C1QTNF3: variants seen among roughly 807,000 people sequenced by gnomAD.
C1QTNF3 encodes the protein C1q and TNF related 3.
A neutral mutation model predicts 32.6 loss-of-function variants in C1QTNF3; 26 were observed. The ratio of observed to expected loss-of-function variants is 0.80; its 90% CI spans 0.58 to 1.11. The LOEUF is 1.11. Ranked by LOEUF, C1QTNF3 falls within the 50% of genes least tolerant of loss-of-function variation. The probability of loss-of-function intolerance (pLI) is 0.00; values close to 1 mark genes in which losing one functional copy is unlikely to be tolerated. For synonymous variants in C1QTNF3, 155 were observed against 146.0 expected, an observed-to-expected ratio of 1.06 and a Z score of -0.44; for missense variants, 362 against 398.2, an observed-to-expected ratio of 0.91 and a Z score of 0.77.
At chr5:34,233,670 C>A in the C1QTNF3 span, among the ~76,000 whole-genome samples, 10 of 151,320 alleles carry the variant, frequency 6.6e-5, no homozygotes, top group Admixed American at 6.6e-4. Flanking sequence ...ATAAAGTTAA[C>A]ATATTCACAG....
At chr5:34,127,431 T>C in the C1QTNF3 span, among the ~76,000 whole-genome samples, 1 of 152,118 alleles carries the variant, frequency 6.6e-6, no homozygotes, top group African/African-American at 2.4e-5. Flanking sequence ...AAGGTCACTC[T>C]TTCTATGCTT....
chr5:34,044,369 C>A (rs1579614383), upstream of C1QTNF3, among the ~76,000 whole-genome samples: 1 of 152,092 alleles, frequency 6.6e-6, no homozygotes, highest in African/African-American at 2.4e-5. Context: ...ACTGGAGAGA[C>A]CCAGGACCGT....
At chr5:34,225,355 C>A in the C1QTNF3 span, among the ~76,000 whole-genome samples, 1 of 152,028 alleles carries the variant, frequency 6.6e-6, no homozygotes, top group East Asian at 1.9e-4. Flanking sequence ...AATATCTCTA[C>A]ACAATCCTTT....
At chr5:34,219,400 A>T in the C1QTNF3 span, among the ~76,000 whole-genome samples, 32 of 151,988 alleles carry the variant, frequency 2.1e-4, no homozygotes, top group South Asian at 3.9e-3. Flanking sequence ...AATTTTACTT[A>T]GGGAGTAGAA....
the C1QTNF3 span, among the ~76,000 whole-genome samples, chr5:34,196,084 C>G: frequency 2.0e-5 from 3 of 152,294 alleles, no homozygotes; most frequent in Admixed American, 6.5e-5. Context: ...CACAATTTGC[C>G]AACACTTTGA....
the C1QTNF3 span, among the ~76,000 whole-genome samples, chr5:34,056,454 G>GTGTA: frequency 2.1e-3 from 101 of 48,890 alleles, no homozygotes; most frequent in African/African-American, 5.7e-3. Context: ...GTGTGTGTGT[G>GTGTA]TATATATATA....
chr5:34,239,951 G>T, the C1QTNF3 span, among the ~76,000 whole-genome samples: 1 of 151,954 alleles, frequency 6.6e-6, no homozygotes, highest in Non-Finnish European at 1.5e-5. Flanking sequence ...AGATCTCAAT[G>T]TAATCAAAAT....
the C1QTNF3 span, among the ~76,000 whole-genome samples, chr5:34,172,958 T>C: frequency 2.2e-4 from 34 of 152,288 alleles, no homozygotes; most frequent in African/African-American, 8.2e-4. Context: ...TTTACTTCTG[T>C]AGGATAGATT....
chr5:34,070,607 A>G, the C1QTNF3 span, among the ~76,000 whole-genome samples: 1 of 152,148 alleles, frequency 6.6e-6, no homozygotes, highest in Admixed American at 6.5e-5. Context: ...ATATTGTTAA[A>G]TGTACCATTA....
chr5:34,056,446 G>GTATA, the C1QTNF3 span, among the ~76,000 whole-genome samples: 2 of 38,518 alleles, frequency 5.2e-5, no homozygotes, highest in African/African-American at 1.8e-4. Flanking sequence ...GTGTGTGTGT[G>GTATA]TGTGTGTGTA....
chr5:34,103,500 G>A, the C1QTNF3 span, among the ~76,000 whole-genome samples: 8 of 149,146 alleles, frequency 5.4e-5, no homozygotes, highest in East Asian at 1.2e-3. Context: ...GCCTTTCAAC[G>A]ATGTCTTATC....
chr5:34,057,023 G>T, the C1QTNF3 span, among the ~76,000 whole-genome samples: 1 of 152,132 alleles, frequency 6.6e-6, no homozygotes, highest in Non-Finnish European at 1.5e-5. Flanking sequence ...TTTAAAAGTA[G>T]AACACTTATT....
chr5:34,105,999 A>AT, the C1QTNF3 span: 15 of 145,732 alleles, frequency 1.0e-4, no homozygotes, highest in Middle Eastern at 3.5e-3. Context: ...AAATTAGCAG[A>AT]TTTTTTAGGC....
chr5:34,194,667 T>C, the C1QTNF3 span, among the ~76,000 whole-genome samples: 1 of 152,222 alleles, frequency 6.6e-6, no homozygotes, highest in African/African-American at 2.4e-5. Flanking sequence ...ATATTTTGTT[T>C]ATAGTCAGTC....
chr5:34,083,695 C>G, the C1QTNF3 span, among the ~76,000 whole-genome samples: 1 of 151,828 alleles, frequency 6.6e-6, no homozygotes, highest in African/African-American at 2.4e-5. Flanking sequence ...TGCTCGGTCT[C>G]CAAGGGAGAC....
the C1QTNF3 span, among the ~76,000 whole-genome samples, chr5:34,194,758 T>C: frequency 2.0e-4 from 31 of 152,404 alleles, no homozygotes; most frequent in Admixed American, 5.2e-4. Context: ...AGTTTCAGGA[T>C]CTCCTGAGGA....
the C1QTNF3 span, among the ~76,000 whole-genome samples, chr5:34,068,921 C>T: frequency 3.3e-5 from 5 of 151,746 alleles, no homozygotes; most frequent in African/African-American, 7.3e-5. Context: ...TATCCCTTGC[C>T]GAACATGTAA....
the C1QTNF3 span, among the ~76,000 whole-genome samples, chr5:34,058,994 A>C: frequency 6.6e-6 from 1 of 152,350 alleles, no homozygotes; most frequent in East Asian, 1.9e-4. Flanking sequence ...CCACATAAAA[A>C]GTTATGGTGA....
the C1QTNF3 span, among the ~76,000 whole-genome samples, chr5:34,122,446 G>A: frequency 6.6e-6 from 1 of 152,156 alleles, no homozygotes; most frequent in African/African-American, 2.4e-5. Flanking sequence ...TAAAGAATTT[G>A]GCTGAATTTT....
Sources: gnomAD v4.1 joint callset for allele counts (sites outside exome capture counted in the v4.1 genomes callset) on GRCh38, gnomAD v4.1.1 for gene constraint, MANE v1.5 for transcripts, NCBI Gene and HGNC (gene_info 2026-07-23, HGNC 2026-07-21) for gene names.